Variants in PROS1 observed in about 807,000 individuals in gnomAD.
The protein encoded by PROS1 is protein S.
A neutral mutation model predicts 75.9 loss-of-function variants in PROS1; 29 were observed. The ratio of observed to expected loss-of-function variants is 0.38; its 90% CI spans 0.28 to 0.52. The LOEUF (loss-of-function observed/expected upper bound fraction) is 0.52, where lower values mean the gene tolerates loss of function less well. Among genes scored for constraint, PROS1 ranks in the 20% least tolerant of loss-of-function variants. PROS1 has a pLI of 0.83. For missense variants in PROS1, 680 were observed against 810.3 expected (o/e 0.84, Z 1.95); for synonymous variants, 245 against 280.6 (o/e 0.87, Z 1.27).
chr3:93,898,661 T>C (rs1460264273), intron 7 of PROS1, 92 bp from the exon 8 acceptor site: 11 of 1,384,230 alleles, frequency 7.9e-6, no homozygotes, highest in African/African-American at 1.4e-5. Flanking sequence ...TAGTATGATA[T>C]AATCAATGAT....
intron 1 of PROS1, among the ~76,000 whole-genome samples, chr3:93,934,731 G>C (rs1687044569): frequency 6.6e-6 from 1 of 152,070 alleles, no homozygotes; most frequent in South Asian, 2.1e-4. Flanking sequence ...TAAGGATAGG[G>C]GAGTGTAGGC....
chr3:93,925,685 G>A (rs1399916128), intron 2 of PROS1, among the ~76,000 whole-genome samples: 4 of 151,828 alleles, frequency 2.6e-5, no homozygotes, highest in Admixed American at 2.6e-4. Flanking sequence ...TTAGCCAGGT[G>A]TGGGGCTGCA....
At position 93,972,367 on chromosome 3, in the gene PROS1, T is replaced by C. The variant is rs182161337; in HGVS notation, c.76+1307A>G. ...GTCCCAAGTTAGATTTTTAAAGTAC[T>C]GCATTCATCCTGATGACTAACTAAT... is the stretch of plus-strand genomic sequence containing the variant. On this transcript the variant is annotated intron_variant, in intron 1 of 14. Transcript: ENST00000394236. Among the ~76,000 whole-genome samples, 512 of 152,360 alleles carry C rather than the reference T, an allele frequency of 3.4e-3. 4 individuals carry two copies. The highest frequency in any genetic ancestry group is 3.6e-3 in the Non-Finnish European group (248 of 68,028).
chr3:93,892,572 TGAG>T (rs1443597536), intron 10 of PROS1, among the ~76,000 whole-genome samples: 1 of 144,960 alleles, frequency 6.9e-6, no homozygotes, highest in East Asian at 2.1e-4. Context: ...TGCAGTGAGC[TGAG>T]ATCACGCCAC....
intron 2 of PROS1, among the ~76,000 whole-genome samples, chr3:93,925,340 A>G (rs1236256640): frequency 6.6e-6 from 1 of 152,160 alleles, no homozygotes; most frequent in Non-Finnish European, 1.5e-5. Flanking sequence ...CCTCTCATAT[A>G]AACCTACACA....
intron 3 of PROS1, among the ~76,000 whole-genome samples, chr3:93,916,945 G>A (rs1440104735): frequency 6.6e-6 from 1 of 152,188 alleles, no homozygotes; most frequent in Non-Finnish European, 1.5e-5. Context: ...CTGACTCCTA[G>A]ACAAAGGTTG....
At chr3:93,878,496 T>C (rs775096661) in intron 13 of PROS1, among the ~76,000 whole-genome samples, 1 of 152,232 alleles carries the variant, frequency 6.6e-6, no homozygotes, top group Non-Finnish European at 1.5e-5. Context: ...AGCTTCTTGC[T>C]GTAACTTGTT....
At chr3:93,939,763 A>T (rs369800635) in intron 1 of PROS1, among the ~76,000 whole-genome samples, 1 of 151,844 alleles carries the variant, frequency 6.6e-6, no homozygotes. Context: ...ACCACCCTAG[A>T]CCCTAAAAGG....
At chr3:93,958,001 T>C (rs1709635115) in intron 1 of PROS1, among the ~76,000 whole-genome samples, 1 of 151,846 alleles carries the variant, frequency 6.6e-6, no homozygotes, top group African/African-American at 2.4e-5. Context: ...GGCAGGAGAA[T>C]CACTTGAACC....
At chr3:93,940,687 C>T (rs527649737) in intron 1 of PROS1, among the ~76,000 whole-genome samples, 2 of 152,234 alleles carry the variant, frequency 1.3e-5, no homozygotes, top group East Asian at 3.9e-4. Flanking sequence ...TCCCTGGCAA[C>T]TGATCACATG....
intron 4 of PROS1, among the ~76,000 whole-genome samples, chr3:93,908,216 T>G (rs1304678222): frequency 6.6e-6 from 1 of 152,300 alleles, no homozygotes; most frequent in Non-Finnish European, 1.5e-5. Context: ...CTGCCTTAAA[T>G]AAGTAGAACT....
intron 1 of PROS1, among the ~76,000 whole-genome samples, chr3:93,953,829 C>T (rs549812127): frequency 1.2e-4 from 19 of 152,192 alleles, no homozygotes; most frequent in African/African-American, 4.3e-4. Flanking sequence ...TAGAAAACTC[C>T]CTCGTCTCAG....
chr3:93,964,640 T>C (rs532124065), intron 1 of PROS1, among the ~76,000 whole-genome samples: 3 of 152,298 alleles, frequency 2.0e-5, no homozygotes, highest in African/African-American at 7.2e-5. Flanking sequence ...TTTTGCCCTT[T>C]GCCTTGTGAT....
At chr3:93,890,659 G>A (rs553845629) in intron 10 of PROS1, among the ~76,000 whole-genome samples, 1 of 152,234 alleles carries the variant, frequency 6.6e-6, no homozygotes, top group South Asian at 2.1e-4. Flanking sequence ...AAATATTGGG[G>A]GCAGGTTTCC....
chr3:93,888,957 T>A (rs1429815374), intron 10 of PROS1, among the ~76,000 whole-genome samples: 1 of 152,184 alleles, frequency 6.6e-6, no homozygotes. Flanking sequence ...AGACCACGTT[T>A]CTAACCTCAT....
chr3:93,904,113 A>G (rs1708638658), intron 6 of PROS1, among the ~76,000 whole-genome samples: 1 of 151,600 alleles, frequency 6.6e-6, no homozygotes, highest in African/African-American at 2.4e-5. Flanking sequence ...ATGATTTCCA[A>G]TTTCATCCAT....
rs546664482 is a variant in PROS1, at chr3:93,911,671, T to C, written c.260-966A>G. On this transcript the variant is annotated intron_variant, in intron 3 of 14. Transcript: ENST00000394236. The stretch of plus-strand genomic sequence containing the variant: ...GGCATCTCTCTTTCCATATGATAGA[T>C]CATGCTTCAAAGTTCTCCACGTGGG... Among the ~76,000 whole-genome samples the C allele has an allele frequency of 4.3e-4, 65 of 152,318 alleles. No homozygotes were observed. In the South Asian group the frequency reaches 5.2e-3, roughly 12 times the overall value.
intron 12 of PROS1, among the ~76,000 whole-genome samples, chr3:93,883,481 C>T (rs1195421395): frequency 1.3e-5 from 2 of 151,910 alleles, no homozygotes; most frequent in African/African-American, 2.4e-5. Flanking sequence ...GTAATTCCAG[C>T]TACTCAGGAG....
intron 1 of PROS1, among the ~76,000 whole-genome samples, chr3:93,950,423 GACA>G (rs1386506558): frequency 6.6e-6 from 1 of 152,194 alleles, no homozygotes; most frequent in Non-Finnish European, 1.5e-5. Flanking sequence ...TTAACTGGGA[GACA>G]TCTCCCAGTA....
Sources: gnomAD v4.1 joint callset for allele counts (sites outside exome capture counted in the v4.1 genomes callset) on GRCh38, gnomAD v4.1.1 for gene constraint, MANE v1.5 for transcripts, NCBI Gene and HGNC (gene_info 2026-07-23, HGNC 2026-07-21) for gene names.